The following CDC73 variants were observed in gnomAD, a reference collection of about 807,000 sequenced individuals.
CDC73 encodes cell division cycle 73, also known as parafibromin.
In CDC73, 21 loss-of-function variants were observed where a neutral mutation model predicts 83.7. The ratio of observed to expected loss-of-function variants is 0.25; its 90% confidence interval spans 0.18 to 0.36. CDC73 has a LOEUF of 0.36. Among genes scored for constraint, CDC73 ranks in the 10% least tolerant of loss-of-function variants. The pLI is 1.00. For synonymous variants in CDC73, 224 were observed against 212.9 expected, an observed-to-expected ratio of 1.05 and a Z score of -0.45; for missense variants, 342 against 653.3, an observed-to-expected ratio of 0.52 and a Z score of 5.19.
chr1:193,198,378 G>A (rs1472024907), intron 10 of CDC73, among the ~76,000 whole-genome samples: 5 of 152,214 alleles, frequency 3.3e-5, no homozygotes, highest in African/African-American at 7.2e-5. Context: ...TTAATGCCCT[G>A]TAAAAGGGCT....
intron 6 of CDC73, among the ~76,000 whole-genome samples, chr1:193,139,431 T>G (rs1406611403): frequency 6.6e-6 from 1 of 152,218 alleles, no homozygotes; most frequent in Non-Finnish European, 1.5e-5. Flanking sequence ...CACGCCCAGC[T>G]AATTTTTGCA....
intron 10 of CDC73, among the ~76,000 whole-genome samples, chr1:193,195,787 T>G (rs907831234): frequency 6.6e-6 from 1 of 152,220 alleles, no homozygotes; most frequent in African/African-American, 2.4e-5. Flanking sequence ...CATGCACTTA[T>G]TAGCCATCTG....
chr1:193,130,327 A>C (rs1232356342), intron 3 of CDC73, 84 bp downstream of exon 3: 10 of 912,240 alleles, frequency 1.1e-5, no homozygotes, highest in Non-Finnish European at 1.8e-5. Flanking sequence ...AGGGAAGAGA[A>C]TTTGTATTTC....
chr1:193,230,161 T>TC (rs1439130367), intron 13 of CDC73, among the ~76,000 whole-genome samples: 3 of 150,886 alleles, frequency 2.0e-5, no homozygotes, highest in East Asian at 3.9e-4. Context: ...TTTTTTTTTT[T>TC]CTCCTGAGGC....
At chr1:193,189,425 C>A (rs1051638700) in intron 10 of CDC73, among the ~76,000 whole-genome samples, 2 of 152,124 alleles carry the variant, frequency 1.3e-5, no homozygotes, top group African/African-American at 2.4e-5. Flanking sequence ...AGAAGTTCTT[C>A]CTTTAGTCTA....
At chr1:193,245,996 A>G (rs371015332) in intron 15 of CDC73, among the ~76,000 whole-genome samples, 1 of 151,936 alleles carries the variant, frequency 6.6e-6, no homozygotes, top group East Asian at 1.9e-4. Context: ...ATGCTTTGAA[A>G]TTTTTAAGTT....
intron 7 of CDC73, among the ~76,000 whole-genome samples, chr1:193,145,718 CTT>C (rs1224251586): frequency 6.6e-6 from 1 of 152,124 alleles, no homozygotes; most frequent in Admixed American, 6.5e-5. Flanking sequence ...GGTCCTGAGA[CTT>C]ATATTTGCTG....
intron 15 of CDC73, among the ~76,000 whole-genome samples, chr1:193,245,651 C>T (rs1677941465): frequency 6.6e-6 from 1 of 152,058 alleles, no homozygotes; most frequent in African/African-American, 2.4e-5. Context: ...GATAAATGCC[C>T]ATTAATGAGG....
intron 10 of CDC73, chr1:193,180,719 G>A (rs762501860): frequency 1.2e-6 from 2 of 1,614,056 alleles, no homozygotes; most frequent in South Asian, 2.2e-5. Context: ...CCTCGCATTA[G>A]GTAACCAGTG....
intron 11 of CDC73, among the ~76,000 whole-genome samples, chr1:193,206,229 T>C (rs1460906968): frequency 6.6e-6 from 1 of 152,150 alleles, no homozygotes; most frequent in South Asian, 2.1e-4. Context: ...CACCTCTTAA[T>C]GTTCTAGCTT....
intron 8 of CDC73, among the ~76,000 whole-genome samples, chr1:193,149,580 G>T (rs1572159748): frequency 1.3e-5 from 2 of 152,056 alleles, no homozygotes; most frequent in East Asian, 3.9e-4. Context: ...TTTGGCATTT[G>T]ACTATAGAAG....
At chr1:193,177,358 C>CAAAAAAAAAAAAAAAAAAA (rs10672869) in intron 10 of CDC73, among the ~76,000 whole-genome samples, 2 of 69,526 alleles carry the variant, frequency 2.9e-5, no homozygotes, top group African/African-American at 5.7e-5. Context: ...ACTAAAAATA[C>CAAAAAAAAAAAAAAAAAAA]AAAAAAAAAA....
intron 3 of CDC73, among the ~76,000 whole-genome samples, chr1:193,134,408 C>A (rs1275302416): frequency 6.6e-6 from 1 of 152,092 alleles, no homozygotes; most frequent in African/African-American, 2.4e-5. Flanking sequence ...CAGTGGCTCA[C>A]ACCTGTAATC....
chr1:193,210,936 C>T (rs758851172), intron 11 of CDC73, among the ~76,000 whole-genome samples: 21 of 152,126 alleles, frequency 1.4e-4, no homozygotes, highest in South Asian at 2.1e-4. Flanking sequence ...AACTTCTTTC[C>T]TTTTCTTCCA....
chr1:193,225,094 T>G (rs984785579), intron 13 of CDC73, among the ~76,000 whole-genome samples: 1 of 151,946 alleles, frequency 6.6e-6, no homozygotes, highest in Non-Finnish European at 1.5e-5. Context: ...CTTTGCATCC[T>G]CATAGCTTAG....
chr1:193,150,325 C>G lies in CDC73; in HGVS notation c.850C>G (p.Gln284Glu), dbSNP rs780875952. Residue 284 changes from glutamine (Q) to glutamate (E), a missense_variant, in exon 9 of 17, where the codon CAG becomes GAG. By Grantham distance (29) the Gln-to-Glu change is conservative (BLOSUM62 2). Around this residue, in one of 3 missense-constraint regions of CDC73, gnomAD observed 239 missense variants for 420.6 expected, o/e 0.57. Coordinates refer to ENST00000367435, the MANE Select transcript of CDC73 (RefSeq NM_024529.5). ...ACAGGATCCCACTTTGCGCACCAAA[C>G]AGCCTATCCCAGCTGCCTATAACAG... Reference protein sequence around the residue: ...APVDPTLRTKQPIPAAYNRYD... With the variant: ...APVDPTLRTKEPIPAAYNRYD... 1 of 1,612,324 alleles carries G rather than the reference C, an allele frequency of 6.2e-7. No individual in the cohort carries two copies. The highest frequency in any genetic ancestry group is 8.5e-7 in the Non-Finnish European group (1 of 1,178,384).
chr1:193,224,267 C>T (rs1335039176), intron 13 of CDC73, among the ~76,000 whole-genome samples: 3 of 151,634 alleles, frequency 2.0e-5, no homozygotes, highest in Admixed American at 6.6e-5. Context: ...TCATATTATA[C>T]GAGAAACAGC....
intron 1 of CDC73, 24 bp downstream of exon 1, chr1:193,122,355 CA>C (rs1675467482): frequency 6.2e-7 from 1 of 1,613,810 alleles, no homozygotes; most frequent in Admixed American, 1.7e-5. Context: ...GGCTGTGGCC[CA>C]GGGGTGGCAG....
intron 14 of CDC73, 139 bp from the exon 15 acceptor site, chr1:193,236,117 T>C (rs1677753000): frequency 1.1e-5 from 8 of 752,818 alleles, no homozygotes; most frequent in Non-Finnish European, 2.5e-6. Flanking sequence ...CTGTATTTGC[T>C]TCATGGAAGG....
Sources: gnomAD v4.1 joint callset for allele counts (sites outside exome capture counted in the v4.1 genomes callset) on GRCh38, gnomAD v4.1.1 for gene constraint, gnomAD v4.1.1 regional missense constraint, MANE v1.5 for transcripts, NCBI Gene and HGNC (gene_info 2026-07-23, HGNC 2026-07-21) for gene names.